Variants in AUTS2 observed in about 807,000 individuals in gnomAD.
AUTS2 encodes autism susceptibility gene 2 protein.
A neutral mutation model predicts 112.4 loss-of-function variants in AUTS2; 17 were observed. The ratio of observed to expected loss-of-function variants is 0.15; its 90% confidence interval spans 0.10 to 0.23. AUTS2 has a LOEUF of 0.23. AUTS2 is among the 10% of genes least tolerant of loss of function. The pLI, the probability that AUTS2 is intolerant of heterozygous loss-of-function variation, is 1.00. For synonymous variants in AUTS2, 751 were observed against 702.7 expected, an observed-to-expected ratio of 1.07 and a Z score of -1.09; for missense variants, 1,510 against 1,701.6, an observed-to-expected ratio of 0.89 and a Z score of 1.98.
intron 5 of AUTS2, among the ~76,000 whole-genome samples, chr7:70,666,179 C>A (rs1487556059): frequency 6.6e-6 from 1 of 152,132 alleles, no homozygotes; most frequent in African/African-American, 2.4e-5. Context: ...AGTTACTTGC[C>A]CTCTCTGTGC....
intron 5 of AUTS2, among the ~76,000 whole-genome samples, chr7:70,567,361 C>T (rs1029602280): frequency 2.0e-4 from 30 of 152,150 alleles, no homozygotes; most frequent in African/African-American, 5.6e-4. Flanking sequence ...ATTCCATGGA[C>T]AGCAGTATGG....
chr7:69,857,962 T>G (rs994583483), intron 1 of AUTS2, among the ~76,000 whole-genome samples: 1 of 152,212 alleles, frequency 6.6e-6, no homozygotes, highest in Non-Finnish European at 1.5e-5. Flanking sequence ...CCAGGTCTAG[T>G]CATTGCCTTA....
chr7:69,677,355 T>C (rs754650179), intron 1 of AUTS2, among the ~76,000 whole-genome samples: 10 of 152,196 alleles, frequency 6.6e-5, no homozygotes, highest in Admixed American at 6.5e-5. Context: ...TATATTAAAG[T>C]TCATGCTGAA....
At chr7:69,672,196 A>G (rs911965731) in intron 1 of AUTS2, among the ~76,000 whole-genome samples, 10 of 152,032 alleles carry the variant, frequency 6.6e-5, no homozygotes, top group African/African-American at 2.4e-4. Flanking sequence ...AGTAGCTGAG[A>G]TCACAGGCAT....
chr7:70,661,246 C>T (rs1025691783), intron 5 of AUTS2, among the ~76,000 whole-genome samples: 1 of 152,058 alleles, frequency 6.6e-6, no homozygotes, highest in Non-Finnish European at 1.5e-5. Context: ...TCCCTGGCGG[C>T]GTCTGAGGCC....
intron 5 of AUTS2, among the ~76,000 whole-genome samples, chr7:70,679,014 A>C (rs943351018): frequency 6.6e-6 from 1 of 152,174 alleles, no homozygotes; most frequent in African/African-American, 2.4e-5. Flanking sequence ...TTTCCCTCAC[A>C]CAAACCCTAA....
intron 1 of AUTS2, among the ~76,000 whole-genome samples, chr7:69,622,890 C>T (rs1210059975): frequency 6.6e-6 from 1 of 152,214 alleles, no homozygotes; most frequent in East Asian, 1.9e-4. Context: ...CCCACCTCAG[C>T]CTCCTAAGTA....
chr7:70,419,826 T>C (rs1216336459), intron 4 of AUTS2, among the ~76,000 whole-genome samples: 1 of 152,252 alleles, frequency 6.6e-6, no homozygotes, highest in Non-Finnish European at 1.5e-5. Flanking sequence ...AAGAGAAATA[T>C]ATCTCTTTTT....
intron 2 of AUTS2, among the ~76,000 whole-genome samples, chr7:69,906,880 G>A (rs1166432541): frequency 6.6e-6 from 1 of 152,154 alleles, no homozygotes; most frequent in Non-Finnish European, 1.5e-5. Flanking sequence ...GCTAAGGTGG[G>A]AGGATTGCTT....
chr7:70,367,577 AAAT>A (rs35678927), intron 4 of AUTS2, among the ~76,000 whole-genome samples: 1 of 150,344 alleles, frequency 6.7e-6, no homozygotes, highest in African/African-American at 2.4e-5. Flanking sequence ...AAATTGTAAA[AAAT>A]AATAATAATA....
At chr7:70,718,810 A>G (rs1277402955) in intron 6 of AUTS2, among the ~76,000 whole-genome samples, 4 of 152,040 alleles carry the variant, frequency 2.6e-5, no homozygotes, top group Non-Finnish European at 5.9e-5. Context: ...AATACCTTGC[A>G]TTGGTATATC....
intron 4 of AUTS2, among the ~76,000 whole-genome samples, chr7:70,334,219 G>T (rs915189799): frequency 3.3e-5 from 5 of 152,132 alleles, no homozygotes; most frequent in Admixed American, 3.3e-4. Flanking sequence ...AATGTTAGCT[G>T]CAGGTTTTTC....
At chr7:69,990,756 G>A (rs1584537717) in intron 2 of AUTS2, among the ~76,000 whole-genome samples, 1 of 152,274 alleles carries the variant, frequency 6.6e-6, no homozygotes, top group East Asian at 1.9e-4. Flanking sequence ...TGACAGAAGT[G>A]TTTTGGGTTT....
intron 5 of AUTS2, among the ~76,000 whole-genome samples, chr7:70,593,859 T>A (rs1803067105): frequency 6.6e-6 from 1 of 152,170 alleles, no homozygotes; most frequent in South Asian, 2.1e-4. Flanking sequence ...TTCCCCAGAA[T>A]GATTCTATAG....
At chr7:70,129,148 C>T (rs1806135578) in intron 3 of AUTS2, among the ~76,000 whole-genome samples, 1 of 152,188 alleles carries the variant, frequency 6.6e-6, no homozygotes, top group African/African-American at 2.4e-5. Context: ...CCAAGATCTA[C>T]AATCAGCAAG....
intron 4 of AUTS2, among the ~76,000 whole-genome samples, chr7:70,315,179 C>G (rs1789937166): frequency 6.6e-6 from 1 of 152,210 alleles, no homozygotes; most frequent in Admixed American, 6.5e-5. Context: ...TTGGATCTCT[C>G]TCATCCCATG....
At chr7:70,460,361 T>TC (rs1172277223) in intron 5 of AUTS2, among the ~76,000 whole-genome samples, 3 of 140,122 alleles carry the variant, frequency 2.1e-5, no homozygotes, top group African/African-American at 7.9e-5. Flanking sequence ...TTTTTTTTTT[T>TC]TTTTTTGAGA....
intron 4 of AUTS2, among the ~76,000 whole-genome samples, chr7:70,208,346 T>C (rs1406167305): frequency 1.3e-5 from 2 of 152,202 alleles, no homozygotes; most frequent in Non-Finnish European, 2.9e-5. Flanking sequence ...GACATCACTA[T>C]GTTATTAAAT....
chr7:69,697,613 G>A (rs1018860969), intron 1 of AUTS2, among the ~76,000 whole-genome samples: 5 of 152,184 alleles, frequency 3.3e-5, no homozygotes, highest in Non-Finnish European at 5.9e-5. Context: ...TTAGGATTTT[G>A]TTAGTGCTCA....
Sources: gnomAD v4.1 joint callset for allele counts (sites outside exome capture counted in the v4.1 genomes callset) on GRCh38, gnomAD v4.1.1 for gene constraint, MANE v1.5 for transcripts, NCBI Gene and HGNC (gene_info 2026-07-23, HGNC 2026-07-21) for gene names.